Variants in UBAC1 observed in about 807,000 individuals in gnomAD.
UBAC1 encodes UBA domain containing 1.
A neutral mutation model predicts 45.9 loss-of-function variants in UBAC1; 27 were observed. The ratio of observed to expected loss-of-function variants is 0.59; its 90% CI spans 0.43 to 0.81. The LOEUF (loss-of-function observed/expected upper bound fraction) is 0.81. Among genes scored for constraint, UBAC1 ranks in the 30% least tolerant of loss-of-function variants. UBAC1 has a pLI of 0.00. For synonymous variants in UBAC1, 227 were observed against 215.5 expected (o/e 1.05, Z -0.47); for missense variants, 529 against 539.2 (o/e 0.98, Z 0.19).
Position 135,961,025 on chromosome 9 carries a change from G to C in UBAC1, c.138C>G (p.His46Gln). 1 of 1,556,642 alleles carries C rather than the reference G, an allele frequency of 6.4e-7. No individual in the cohort carries two copies. Among genetic ancestry groups the C allele is most frequent in the Non-Finnish European group, 8.6e-7 (1 of 1,156,824 alleles). ...VEKLKERCLK[H>Q]CAHGSLEDPK... ...GGCAGGGGAGGGGGCCCGGCCTTAC[G>C]TGCTTGAGGCAGCGCTCCTTGAGCT... is the stretch of plus-strand genomic sequence containing the variant. The change falls in exon 1 of 10, where the codon CAC becomes CAG. Residue 46 changes from histidine (H) to glutamine (Q), a missense_variant and splice_region_variant. Coordinates refer to ENST00000371756, the MANE Select transcript of UBAC1 (RefSeq NM_016172.3).
intron 1 of UBAC1, among the ~76,000 whole-genome samples, chr9:135,958,757 G>A (rs949050821): frequency 1.3e-5 from 2 of 152,084 alleles, no homozygotes; most frequent in African/African-American, 4.8e-5. Flanking sequence ...TCTGACTAAC[G>A]CATTCTGGCC....
chr9:135,940,916 G>A (rs1839262892), intron 7 of UBAC1, among the ~76,000 whole-genome samples: 1 of 152,186 alleles, frequency 6.6e-6, no homozygotes, highest in South Asian at 2.1e-4. Context: ...GGTGGTCTAG[G>A]GGTGCCAGCC....
At chr9:135,939,635 C>CT in intron 8 of UBAC1, 38 bp downstream of exon 8, 1 of 1,593,738 alleles carries the variant, frequency 6.3e-7, no homozygotes, top group South Asian at 1.1e-5. Context: ...CACTCACTCA[C>CT]CACAGCCCAC....
intron 3 of UBAC1, among the ~76,000 whole-genome samples, chr9:135,952,902 C>A (rs980101172): frequency 1.3e-5 from 2 of 152,222 alleles, no homozygotes; most frequent in African/African-American, 2.4e-5. Context: ...TGAGGCTGTG[C>A]GGTGTGAGGT....
At chr9:135,951,680 C>T (rs1839407019) in intron 3 of UBAC1, among the ~76,000 whole-genome samples, 2 of 151,982 alleles carry the variant, frequency 1.3e-5, no homozygotes, top group Non-Finnish European at 2.9e-5. Context: ...CGTGGTGGCA[C>T]GCACTTGTAA....
At chr9:135,940,396 G>A (rs1020484935) in intron 7 of UBAC1, among the ~76,000 whole-genome samples, 3 of 151,928 alleles carry the variant, frequency 2.0e-5, no homozygotes, top group South Asian at 2.1e-4. Flanking sequence ...TGGCTAACAC[G>A]GTGAAACCCC....
At chr9:135,945,807 G>A in intron 6 of UBAC1, 82 bp downstream of exon 6, 1 of 1,085,872 alleles carries the variant, frequency 9.2e-7, no homozygotes, top group Non-Finnish European at 1.4e-6. Context: ...TTTAGGGTAG[G>A]AGGACGTCAC....
chr9:135,935,675 T>G (rs540365934), intron 9 of UBAC1, among the ~76,000 whole-genome samples: 2 of 151,464 alleles, frequency 1.3e-5, no homozygotes, highest in African/African-American at 4.8e-5. Context: ...ATAGACAGTA[T>G]GTAAAAGAAG....
At chr9:135,957,475 C>A (rs79996973) in intron 1 of UBAC1, among the ~76,000 whole-genome samples, 26 of 152,304 alleles carry the variant, frequency 1.7e-4, no homozygotes, top group African/African-American at 6.0e-4. Context: ...GTCACCAGCA[C>A]ACCAGGAACA....
intron 3 of UBAC1, 27 bp from the exon 4 acceptor site, chr9:135,947,932 T>A: frequency 1.2e-6 from 2 of 1,601,712 alleles, no homozygotes; most frequent in Non-Finnish European, 1.7e-6. Flanking sequence ...TCAGAAAGTC[T>A]GAGGTGAACG....
At chr9:135,935,358 C>T (rs577917687) in intron 9 of UBAC1, among the ~76,000 whole-genome samples, 13 of 152,318 alleles carry the variant, frequency 8.5e-5, no homozygotes, top group African/African-American at 3.1e-4. Flanking sequence ...AATTGAAAAA[C>T]ACATGTGCCA....
At chr9:135,960,958 A>C in intron 1 of UBAC1, 67 bp downstream of exon 1, 2 of 1,373,006 alleles carry the variant, frequency 1.5e-6, no homozygotes, top group Non-Finnish European at 1.9e-6. Flanking sequence ...TCGGGGACTG[A>C]GGCGGGGTCC....
chr9:135,934,821 AAG>A (rs1284692657), intron 9 of UBAC1, among the ~76,000 whole-genome samples: 1 of 152,208 alleles, frequency 6.6e-6, no homozygotes, highest in Non-Finnish European at 1.5e-5. Flanking sequence ...CAAAAAGATA[AAG>A]AGTTAAATAT....
Position 135,945,928 on chromosome 9 carries a change from A to G in UBAC1, c.614T>C (p.Phe205Ser). 2 of 1,614,074 alleles carry G rather than the reference A, an allele frequency of 1.2e-6. No individual in the cohort carries two copies. The highest frequency in any genetic ancestry group is 2.2e-5 in the East Asian group (1 of 44,876). ...GGCCTTGGTGGCTCTGTTCTCCGGA[A>G]AGCCCATCTCCGTGAGCTGCCGCAG... ...AALRQLTEMG[F>S]PENRATKALQ... Residue 205 changes from phenylalanine to serine, a missense_variant, in exon 6 of 10, where the codon TTT becomes TCT. By Grantham distance (155) the Phe-to-Ser change is radical. Coordinates refer to ENST00000371756, the MANE Select transcript of UBAC1 (RefSeq NM_016172.3).
At chr9:135,938,497 G>C in intron 8 of UBAC1, 137 bp from the exon 9 acceptor site, 1 of 1,147,656 alleles carries the variant, frequency 8.7e-7, no homozygotes. Flanking sequence ...CCCTGGAAGG[G>C]ACTCTACCGT....
intron 8 of UBAC1, 140 bp from the exon 9 acceptor site, chr9:135,938,500 T>A (rs747611086): frequency 1.8e-6 from 2 of 1,124,236 alleles, no homozygotes; most frequent in South Asian, 1.6e-5. Context: ...TGGAAGGGAC[T>A]CTACCGTGAA....
intron 7 of UBAC1, among the ~76,000 whole-genome samples, chr9:135,944,206 CG>C (rs1839299370): frequency 6.6e-6 from 1 of 152,192 alleles, no homozygotes; most frequent in Admixed American, 6.5e-5. Flanking sequence ...GCTGCGAAGC[CG>C]GGGGTTACAC....
At chr9:135,943,199 C>T (rs992255070) in intron 7 of UBAC1, among the ~76,000 whole-genome samples, 3 of 152,144 alleles carry the variant, frequency 2.0e-5, no homozygotes, top group African/African-American at 2.4e-5. Context: ...GCGGGCAGAT[C>T]GCTTGAGGTC....
At chr9:135,937,927 C>T (rs546293812) in intron 9 of UBAC1, among the ~76,000 whole-genome samples, 1 of 152,342 alleles carries the variant, frequency 6.6e-6, no homozygotes, top group East Asian at 1.9e-4. Context: ...GCTGCTGGCG[C>T]AGTCTCCACC....
Sources: allele counts gnomAD v4.1 joint callset (sites outside exome capture counted in the v4.1 genomes callset), GRCh38; gene constraint gnomAD v4.1.1; transcripts MANE v1.5; gene names NCBI Gene and HGNC (gene_info 2026-07-23, HGNC 2026-07-21).